Variants in SOAT1 observed in about 807,000 individuals in gnomAD.
SOAT1 encodes sterol O-acyltransferase 1.
Under a neutral mutation model 69.5 loss-of-function variants are expected in SOAT1, and 55 were observed. That is an observed-to-expected ratio of 0.79 (90% CI 0.64 to 0.99). The LOEUF is 0.99. Ranked by LOEUF, SOAT1 falls within the 50% of genes least tolerant of loss-of-function variation. The pLI, the probability that SOAT1 is intolerant of heterozygous loss-of-function variation, is 0.00. For synonymous variants in SOAT1, 231 were observed against 224.7 expected (o/e 1.03, Z -0.25); for missense variants, 580 against 669.3 (o/e 0.87, Z 1.47).
At chr1:179,344,841 A>G (rs1239435788) in intron 10 of SOAT1, 106 bp from the exon 11 acceptor site, 2 of 1,034,810 alleles carry the variant, frequency 1.9e-6, no homozygotes, top group African/African-American at 3.2e-5. Context: ...TACATATGCG[A>G]ACATTACTGT....
chr1:179,303,865 A>G (rs1015755330), intron 2 of SOAT1, among the ~76,000 whole-genome samples: 3 of 152,238 alleles, frequency 2.0e-5, no homozygotes, highest in Non-Finnish European at 2.9e-5. Context: ...ATTCTCACGC[A>G]TTAGAAACTT....
intron 2 of SOAT1, among the ~76,000 whole-genome samples, chr1:179,304,805 C>T (rs552942111): frequency 9.9e-5 from 15 of 152,012 alleles, no homozygotes; most frequent in African/African-American, 3.4e-4. Context: ...TGTGCTACCA[C>T]GCCTGGCTAA....
At chr1:179,324,663 A>G (rs754983116) in intron 3 of SOAT1, among the ~76,000 whole-genome samples, 2 of 152,236 alleles carry the variant, frequency 1.3e-5, no homozygotes, top group Non-Finnish European at 2.9e-5. Flanking sequence ...TTTCTGATGA[A>G]TGTCTTTTCC....
At chr1:179,299,745 CTTTTTTTTTTTT>C (rs1162260815) in intron 1 of SOAT1, among the ~76,000 whole-genome samples, 2 of 69,520 alleles carry the variant, frequency 2.9e-5, no homozygotes, top group African/African-American at 5.7e-5. Context: ...ATTTTGCTAT[CTTTTTTTTTTTT>C]TTTTTTTTTT....
At chr1:179,316,673 G>A (rs369727081) in intron 2 of SOAT1, among the ~76,000 whole-genome samples, 11 of 152,234 alleles carry the variant, frequency 7.2e-5, no homozygotes, top group African/African-American at 2.6e-4. Flanking sequence ...GATTACAGGC[G>A]TGAGCCACCA....
intron 12 of SOAT1, among the ~76,000 whole-genome samples, chr1:179,348,447 A>G (rs529897307): frequency 3.4e-4 from 51 of 152,230 alleles, no homozygotes; most frequent in African/African-American, 1.2e-3. Flanking sequence ...ACAGCTCTCT[A>G]GTGTTAGCAC....
chr1:179,341,080 G>A lies in SOAT1; in HGVS notation c.550G>A (p.Val184Ile), dbSNP rs370264806. Residue 184 changes from valine to isoleucine, a missense_variant, in exon 7 of 16, where the codon GTT (valine) becomes ATT (isoleucine). Val to Ile is a conservative substitution (Grantham distance 29). Coordinates refer to ENST00000367619, the MANE Select transcript of SOAT1 (RefSeq NM_003101.6). ...TTATGCTTTTGGCAAATTTCCTACCGTTGTTTGGACCTGGTGGATCATGTT... is the reference window on the plus strand; with the variant it reads ...TTATGCTTTTGGCAAATTTCCTACCATTGTTTGGACCTGGTGGATCATGTT... ...LSYAFGKFPT[V>I]VWTWWIMFLS... The A allele has an allele frequency of 2.2e-5, 35 of 1,613,884 alleles. No individual in the cohort carries two copies. The highest frequency in any genetic ancestry group is 1.6e-4 in the Middle Eastern group (1 of 6,084).
intron 1 of SOAT1, among the ~76,000 whole-genome samples, chr1:179,299,366 C>T (rs896844503): frequency 6.6e-6 from 1 of 152,162 alleles, no homozygotes; most frequent in African/African-American, 2.4e-5. Flanking sequence ...AAAAGTTTAG[C>T]AGCACAGTGC....
intron 1 of SOAT1, among the ~76,000 whole-genome samples, chr1:179,295,966 ATTTTTTTTTTTTT>A (rs58893158): frequency 5.8e-5 from 3 of 52,022 alleles, no homozygotes; most frequent in East Asian, 5.1e-4. Context: ...CGCCCGGCTA[ATTTTTTTTTTTTT>A]TTTTTTTTTT....
intron 14 of SOAT1, 23 bp from the exon 15 acceptor site, chr1:179,351,294 C>A: frequency 6.2e-7 from 1 of 1,611,342 alleles, no homozygotes; most frequent in African/African-American, 1.3e-5. Flanking sequence ...CTGTATATTT[C>A]TTTGTTGCCT....
At chr1:179,336,280 G>A (rs1318680027) in intron 4 of SOAT1, among the ~76,000 whole-genome samples, 1 of 151,294 alleles carries the variant, frequency 6.6e-6, no homozygotes, top group Admixed American at 6.6e-5. Context: ...CTGGCCAACA[G>A]GGTGAAACCC....
chr1:179,340,597 CAT>C (rs1335397562), intron 6 of SOAT1, among the ~76,000 whole-genome samples: 3 of 152,188 alleles, frequency 2.0e-5, no homozygotes, highest in Admixed American at 6.5e-5. Context: ...AGTATATTAA[CAT>C]ATTTTTAAAT....
chr1:179,349,382 C>T (rs929331303), intron 13 of SOAT1, among the ~76,000 whole-genome samples: 2 of 138,364 alleles, frequency 1.4e-5, no homozygotes, highest in African/African-American at 5.4e-5. Context: ...GGCTGGAGTG[C>T]AGTGGCATGT....
At chr1:179,339,621 TA>T in intron 6 of SOAT1, 76 bp downstream of exon 6, 1 of 771,124 alleles carries the variant, frequency 1.3e-6, no homozygotes, top group Non-Finnish European at 2.1e-6. Flanking sequence ...TGGTAAAGGG[TA>T]AATTGATTAA....
chr1:179,310,443 C>T (rs377323671), intron 2 of SOAT1, among the ~76,000 whole-genome samples: 6 of 152,018 alleles, frequency 3.9e-5, no homozygotes, highest in African/African-American at 1.4e-4. Context: ...TGCACTAATC[C>T]ACGTTTCTGG....
intron 2 of SOAT1, among the ~76,000 whole-genome samples, chr1:179,313,390 A>G (rs1336114250): frequency 3.5e-5 from 5 of 141,634 alleles, no homozygotes; most frequent in East Asian, 2.3e-4. Context: ...GAGAAACACT[A>G]TAGTTATGAT....
At chr1:179,318,433 C>T (rs1333627072) in intron 2 of SOAT1, among the ~76,000 whole-genome samples, 6 of 151,838 alleles carry the variant, frequency 4.0e-5, no homozygotes, top group African/African-American at 7.3e-5. Context: ...TATAAAATTA[C>T]GAAAAAGATT....
rs1666862044 is a variant in SOAT1, at chr1:179,354,985, G to A, written c.*1344G>A. 1.3e-5 allele frequency: 2 copies of A among 152,168 alleles called. No homozygotes were observed. The highest frequency in any genetic ancestry group is 4.1e-4 in the South Asian group (2 of 4,832). The allele number at this position is 152,168 out of a possible 1,614,324, so 9.4% of individuals were successfully genotyped here. ...ATTGTTTGGAATTGTTTTAAAGTCA[G>A]TTTGAGTCTCACAAGAAGGTAAGTA... On this transcript the variant is annotated 3_prime_UTR_variant, in exon 16 of 16. Transcript: ENST00000367619.
intron 4 of SOAT1, among the ~76,000 whole-genome samples, chr1:179,336,354 G>C (rs1335705708): frequency 6.8e-6 from 1 of 147,998 alleles, no homozygotes; most frequent in Non-Finnish European, 1.5e-5. Context: ...TCCGCCTGTC[G>C]TCCCAGCTGC....
Sources: allele counts gnomAD v4.1 joint callset (sites outside exome capture counted in the v4.1 genomes callset), GRCh38; gene constraint gnomAD v4.1.1; transcripts MANE v1.5; gene names NCBI Gene and HGNC (gene_info 2026-07-23, HGNC 2026-07-21).